SPATA6L: variants seen among roughly 807,000 people sequenced by gnomAD.
SPATA6L encodes the protein spermatogenesis associated 6 like.
SPATA6L carries 68 observed loss-of-function variants against 49.2 expected under a neutral mutation model. That is an observed-to-expected ratio of 1.38 (90% CI 1.14 to 1.69). The LOEUF (loss-of-function observed/expected upper bound fraction) is 1.69, where lower values mean the gene tolerates loss of function less well. Ranked by LOEUF, SPATA6L falls within the 40% of genes most tolerant of loss-of-function variation. SPATA6L has a pLI of 0.00. For synonymous variants in SPATA6L, 198 were observed against 165.7 expected (o/e 1.19, Z -1.50); for missense variants, 668 against 464.3 (o/e 1.44, Z -4.03).
At chr9:4,660,441 T>C (rs1425264339) in intron 2 of SPATA6L, among the ~76,000 whole-genome samples, 1 of 152,228 alleles carries the variant, frequency 6.6e-6, no homozygotes, top group African/African-American at 2.4e-5. Context: ...ATACTCATCA[T>C]CACTGGTCAT....
chr9:4,629,041 GA>G (rs199719649), intron 5 of SPATA6L, 49 bp downstream of exon 5: 15,207 of 1,135,340 alleles, frequency 0.013, 146 homozygotes, highest in African/African-American at 0.072. Context: ...CTTTAAATTT[GA>G]AAAAAAAAAA....
chr9:4,629,769 GTA>G (rs35908661), intron 4 of SPATA6L, among the ~76,000 whole-genome samples: 3,600 of 101,790 alleles, frequency 0.035, 69 homozygotes, highest in South Asian at 0.073. Context: ...GTGTGTGTGT[GTA>G]TATATATATA....
chr9:4,662,141 T>C lies in SPATA6L; in HGVS notation c.40-105A>G. ...TAAGCTCCTACAGACACTGACATTT[T>C]CCCCATCACCTCACTCCCTCACCTG... On this transcript the variant is annotated intron_variant, in intron 1 of 11. Transcript: ENST00000682582. The surrounding 1 kb of genome is among the most constrained non-coding windows in gnomAD (Gnocchi z 4.9). 6.7e-7 allele frequency: 1 copy of C among 1,496,440 alleles called. No homozygotes were observed. The highest frequency in any genetic ancestry group is 8.9e-7 in the Non-Finnish European group (1 of 1,122,282). 92.7% of individuals were successfully genotyped at this position (1,496,440 alleles called of 1,614,324 possible).
intron 3 of SPATA6L, among the ~76,000 whole-genome samples, chr9:4,637,222 G>A (rs190281249): frequency 3.0e-4 from 45 of 151,992 alleles, no homozygotes; most frequent in African/African-American, 9.4e-4. Context: ...TCCACATAAC[G>A]GTTTTGCCTT....
chr9:4,637,856 C>T (rs1268121131), intron 3 of SPATA6L, among the ~76,000 whole-genome samples: 2 of 152,194 alleles, frequency 1.3e-5, no homozygotes, highest in Admixed American at 6.5e-5. Flanking sequence ...ATTAGCTACC[C>T]TCTTGGAGAC....
intron 5 of SPATA6L, 104 bp downstream of exon 5, chr9:4,628,986 GT>G: frequency 1.4e-6 from 1 of 727,196 alleles, no homozygotes; most frequent in East Asian, 2.8e-5. Context: ...GTTTCTACTT[GT>G]TTAGTTTCAT....
At chr9:4,623,071 G>C (rs937707590) in intron 6 of SPATA6L, among the ~76,000 whole-genome samples, 20 of 152,134 alleles carry the variant, frequency 1.3e-4, no homozygotes, top group African/African-American at 4.8e-4. Flanking sequence ...CCTGAGGTCG[G>C]GAGTTCAAGA....
chr9:4,593,220 G>A (rs551608949), intron 13 of SPATA6L, among the ~76,000 whole-genome samples: 12 of 152,226 alleles, frequency 7.9e-5, no homozygotes, highest in East Asian at 3.9e-4. Flanking sequence ...GTATCCAATC[G>A]TCACCTCTTT....
At position 4,652,548 on chromosome 9, in the gene SPATA6L, T is replaced by A. The variant is rs953380943; in HGVS notation, c.226+3493A>T. 2.6e-5 allele frequency among the ~76,000 whole-genome samples: 4 copies of A among 151,940 alleles called. No individual in the cohort carries two copies. The South Asian group carries it at 8.3e-4, about 32-fold the overall frequency. ...CTTGTAAACTGAAAATTACAAAACA[T>A]CATTGAAAATAAATTTAAAGGCTGG... On this transcript the variant is annotated intron_variant, in intron 3 of 11. Coordinates refer to ENST00000682582, the MANE Select transcript of SPATA6L (RefSeq NM_001353486.2).
At chr9:4,597,173 A>AG (rs1822330228), downstream of SPATA6L, among the ~76,000 whole-genome samples, 3 of 152,172 alleles carry the variant, frequency 2.0e-5, 1 homozygote, top group South Asian at 6.2e-4. Flanking sequence ...AGGTACTCGG[A>AG]GGGGCGCAGT....
intron 5 of SPATA6L, chr9:4,626,306 A>C: frequency 1.2e-5 from 14 of 1,131,966 alleles, no homozygotes; most frequent in South Asian, 1.6e-5. Context: ...GCAGCTGACC[A>C]GAGCCCCCTG....
chr9:4,644,284 C>T (rs944914439), intron 3 of SPATA6L, among the ~76,000 whole-genome samples: 1 of 149,248 alleles, frequency 6.7e-6, no homozygotes, highest in South Asian at 2.1e-4. Flanking sequence ...GAGAACTGCT[C>T]AAGCCCAGGA....
intron 2 of SPATA6L, among the ~76,000 whole-genome samples, chr9:4,661,378 G>A (rs1281475837): frequency 3.3e-5 from 5 of 152,170 alleles, no homozygotes. Context: ...ATATCACCAT[G>A]TTATTCACCA....
At chr9:4,628,953 C>T (rs1311995349) in intron 5 of SPATA6L, 138 bp downstream of exon 5, 3 of 639,718 alleles carry the variant, frequency 4.7e-6, no homozygotes, top group Non-Finnish European at 8.2e-6. Flanking sequence ...TATAGAAATA[C>T]AAACCTAGTA....
intron 6 of SPATA6L, chr9:4,625,089 A>C: frequency 1.7e-6 from 1 of 577,502 alleles, no homozygotes; most frequent in Non-Finnish European, 2.6e-6. Context: ...ATTTTCAAAA[A>C]TTAAAAATAG....
downstream of SPATA6L, among the ~76,000 whole-genome samples, chr9:4,594,341 C>G (rs1004122610): frequency 6.6e-6 from 1 of 152,174 alleles, no homozygotes; most frequent in African/African-American, 2.4e-5. Context: ...TCCAGACTAG[C>G]TGGGACTACA....
chr9:4,635,299 G>T lies in SPATA6L; in HGVS notation c.327C>A (p.Leu109=), dbSNP rs1254793594. The change falls in exon 4 of 12, where the codon CTC becomes CTA. Residue 109 remains leucine, a synonymous_variant. Transcript: ENST00000682582. ...PSHPRRCREV[L]MKTALGFPGI... Reference sequence around the variant, plus strand: ...CTGGAAAACCCAGAGCCGTCTTCATGAGCACCTCCCTACACCTCCTAGGGT... The same window carrying T: ...CTGGAAAACCCAGAGCCGTCTTCATTAGCACCTCCCTACACCTCCTAGGGT... 6.5e-7 allele frequency: 1 copy of T among 1,546,288 alleles called. No individual in the cohort carries two copies. The highest frequency in any genetic ancestry group is 1.3e-5 in the South Asian group (1 of 79,958).
intron 11 of SPATA6L, among the ~76,000 whole-genome samples, chr9:4,602,587 A>G (rs1311712891): frequency 1.3e-5 from 2 of 152,216 alleles, no homozygotes; most frequent in Non-Finnish European, 2.9e-5. Flanking sequence ...AGAAAGACGC[A>G]TAATTATTCT....
At chr9:4,647,868 T>C (rs980419475) in intron 3 of SPATA6L, among the ~76,000 whole-genome samples, 1 of 150,108 alleles carries the variant, frequency 6.7e-6, no homozygotes, top group Admixed American at 6.7e-5. Context: ...AGGGCCTCAC[T>C]CTGTCACCCA....
Sources: gnomAD v4.1 joint callset for allele counts (sites outside exome capture counted in the v4.1 genomes callset) on GRCh38, gnomAD v4.1.1 for gene constraint, Gnocchi (gnomAD v3.1) non-coding constraint, MANE v1.5 for transcripts, NCBI Gene and HGNC (gene_info 2026-07-23, HGNC 2026-07-21) for gene names.